SLIT3: variants seen among roughly 807,000 people sequenced by gnomAD.
The protein encoded by SLIT3 is slit homolog 3 protein.
SLIT3 carries 68 observed loss-of-function variants against 184.0 expected under a neutral mutation model. That is an observed-to-expected ratio of 0.37 (90% CI 0.30 to 0.45). The LOEUF is 0.45. SLIT3 is among the 20% of genes least tolerant of loss of function. SLIT3 has a pLI of 1.00. For missense variants in SLIT3, 1,707 were observed against 2,026.0 expected, an observed-to-expected ratio of 0.84 and a Z score of 3.02; for synonymous variants, 831 against 828.6, an observed-to-expected ratio of 1.00 and a Z score of -0.05.
chr5:168,864,042 CAAA>C (rs34983916), intron 5 of SLIT3, among the ~76,000 whole-genome samples: 5 of 98,126 alleles, frequency 5.1e-5, no homozygotes, highest in African/African-American at 1.1e-4. Context: ...TAAAAAAATA[CAAA>C]AAAAAAAAAA....
intron 7 of SLIT3, among the ~76,000 whole-genome samples, chr5:168,820,318 C>T (rs1757484454): frequency 6.6e-6 from 1 of 152,152 alleles, no homozygotes; most frequent in South Asian, 2.1e-4. Context: ...TGATGAATGG[C>T]CTGAGCTCAG....
chr5:168,973,417 T>G (rs533714991), intron 4 of SLIT3, among the ~76,000 whole-genome samples: 2 of 152,238 alleles, frequency 1.3e-5, no homozygotes, highest in East Asian at 3.9e-4. Flanking sequence ...CCAGCTCATT[T>G]TTCTATTTTT....
chr5:168,942,024 G>A (rs1209279701), intron 4 of SLIT3, among the ~76,000 whole-genome samples: 2 of 152,130 alleles, frequency 1.3e-5, no homozygotes, highest in Non-Finnish European at 2.9e-5. Context: ...GTTGCTGTTC[G>A]GGATGAAAGG....
At position 168,972,336 on chromosome 5, in the gene SLIT3, C is replaced by CGTGTGTGTGTGTGTGTGT. The variant is rs1353519749; in HGVS notation, c.414-89001_414-89000insACACACACACACACACAC. Among the ~76,000 whole-genome samples, 393 of 39,754 alleles carry CGTGTGTGTGTGTGTGTGT rather than the reference C, an allele frequency of 9.9e-3. 6 individuals carry two copies. Among genetic ancestry groups the CGTGTGTGTGTGTGTGTGT allele is most frequent in the Non-Finnish European group, 0.012 (297 of 24,426 alleles). The allele number at this position is 39,754 out of a possible 152,430, so 26.1% of individuals were successfully genotyped here. On this transcript the variant is annotated intron_variant, in intron 4 of 35. Coordinates refer to ENST00000519560, the MANE Select transcript of SLIT3 (RefSeq NM_003062.4). ...TTGTTGATGGCTAGCTGCAGGACAA[C>CGTGTGTGTGTGTGTGTGT]ATGTGTGTGTGTGTGTGTGTGTGTG...
chr5:169,103,649 G>T (rs1760098881), intron 4 of SLIT3, among the ~76,000 whole-genome samples: 1 of 152,190 alleles, frequency 6.6e-6, no homozygotes, highest in South Asian at 2.1e-4. Flanking sequence ...AGGTGGGTGG[G>T]TCTGCCACGT....
intron 3 of SLIT3, among the ~76,000 whole-genome samples, chr5:169,214,371 G>A (rs2113518175): frequency 6.6e-6 from 1 of 152,334 alleles, no homozygotes; most frequent in East Asian, 1.9e-4. Flanking sequence ...TCCCACAAGG[G>A]CCTTAAAGGG....
chr5:169,289,091 C>T (rs1767255693), intron 1 of SLIT3, among the ~76,000 whole-genome samples: 1 of 152,190 alleles, frequency 6.6e-6, no homozygotes, highest in African/African-American at 2.4e-5. Flanking sequence ...AGTGTTATTT[C>T]TCCCATTCCA....
chr5:168,932,058 G>T (rs79567057), intron 4 of SLIT3, among the ~76,000 whole-genome samples: 4,928 of 152,106 alleles, frequency 0.032, 259 homozygotes, highest in African/African-American at 0.11. Flanking sequence ...TGTCAAACAT[G>T]GTTGGATTAA....
chr5:168,960,607 T>C (rs1762973494), intron 4 of SLIT3, among the ~76,000 whole-genome samples: 1 of 152,210 alleles, frequency 6.6e-6, no homozygotes, highest in African/African-American at 2.4e-5. Flanking sequence ...ACAGGAGGCA[T>C]GTTCTTATTA....
chr5:169,203,475 A>T (rs1017486810), intron 3 of SLIT3, among the ~76,000 whole-genome samples: 10 of 152,126 alleles, frequency 6.6e-5, no homozygotes, highest in African/African-American at 2.2e-4. Context: ...ACCACTTGGC[A>T]ATCACCAAAG....
At chr5:168,757,728 C>T (rs1755002198) in intron 16 of SLIT3, among the ~76,000 whole-genome samples, 1 of 152,218 alleles carries the variant, frequency 6.6e-6, no homozygotes, top group South Asian at 2.1e-4. Context: ...AGCCACCGTG[C>T]CCAACCCAAC....
At chr5:169,004,952 T>C (rs890050240) in intron 4 of SLIT3, among the ~76,000 whole-genome samples, 4 of 152,196 alleles carry the variant, frequency 2.6e-5, no homozygotes, top group African/African-American at 9.6e-5. Flanking sequence ...CCACCCAGTT[T>C]ATGGTACAGG....
At chr5:168,838,176 G>A (rs1293367543) in intron 6 of SLIT3, among the ~76,000 whole-genome samples, 1 of 152,066 alleles carries the variant, frequency 6.6e-6, no homozygotes, top group Non-Finnish European at 1.5e-5. Flanking sequence ...TTTTATTTTT[G>A]TTAAGGGCAG....
intron 6 of SLIT3, among the ~76,000 whole-genome samples, chr5:168,826,350 C>G (rs1757704065): frequency 6.6e-6 from 1 of 152,206 alleles, no homozygotes; most frequent in Non-Finnish European, 1.5e-5. Context: ...ATTGCTACGA[C>G]AGCTACAGTT....
chr5:169,149,234 T>C (rs1762034465), intron 4 of SLIT3, among the ~76,000 whole-genome samples: 1 of 152,124 alleles, frequency 6.6e-6, no homozygotes, highest in African/African-American at 2.4e-5. Context: ...TGATTGCTTA[T>C]AGAAAGGCAT....
At chr5:168,902,651 T>C (rs1760908883) in intron 4 of SLIT3, among the ~76,000 whole-genome samples, 1 of 152,224 alleles carries the variant, frequency 6.6e-6, no homozygotes, top group African/African-American at 2.4e-5. Context: ...ATCTCAGCTG[T>C]TCTAAATCAG....
At chr5:169,185,287 G>A (rs1488718691) in intron 4 of SLIT3, among the ~76,000 whole-genome samples, 1 of 152,194 alleles carries the variant, frequency 6.6e-6, no homozygotes, top group African/African-American at 2.4e-5. Flanking sequence ...TCAGTTTGCA[G>A]GGACATTTTC....
chr5:169,152,196 C>T (rs1459956965), intron 4 of SLIT3, among the ~76,000 whole-genome samples: 1 of 152,198 alleles, frequency 6.6e-6, no homozygotes, highest in East Asian at 1.9e-4. Flanking sequence ...TGCTCTGTAA[C>T]TTCCAGGAAA....
intron 4 of SLIT3, among the ~76,000 whole-genome samples, chr5:169,056,815 T>C (rs1758016587): frequency 1.3e-5 from 2 of 152,166 alleles, no homozygotes; most frequent in South Asian, 4.1e-4. Context: ...AAGAGAGCCC[T>C]AGCAGGGGAG....
Sources: allele counts gnomAD v4.1 joint callset (sites outside exome capture counted in the v4.1 genomes callset), GRCh38; gene constraint gnomAD v4.1.1; transcripts MANE v1.5; gene names NCBI Gene and HGNC (gene_info 2026-07-23, HGNC 2026-07-21).